The following FAM149A variants were observed in gnomAD, a reference collection of about 807,000 sequenced individuals.
FAM149A encodes the protein protein FAM149A.
Under a neutral mutation model 78.2 loss-of-function variants are expected in FAM149A, and 71 were observed. That is an observed-to-expected ratio of 0.91 (90% confidence interval 0.75 to 1.11). FAM149A has a LOEUF of 1.11. FAM149A is among the 50% of genes least tolerant of loss of function. The probability of loss-of-function intolerance (pLI) is 0.00; values close to 1 mark genes in which losing one functional copy is unlikely to be tolerated. For missense variants in FAM149A, 1,036 were observed against 971.0 expected (o/e 1.07, Z -0.89); for synonymous variants, 446 against 410.5 (o/e 1.09, Z -1.04).
intron 13 of FAM149A, among the ~76,000 whole-genome samples, chr4:186,168,613 C>T (rs1735258299): frequency 6.6e-6 from 1 of 152,202 alleles, no homozygotes; most frequent in Non-Finnish European, 1.5e-5. Flanking sequence ...ATCTTGGCCT[C>T]CCAAAGTGCT....
rs1733879434 is a variant in FAM149A at position 186,154,571 on chromosome 4, C to T, written c.1162C>T (p.Leu388=). The change falls in exon 6 of 14, where the codon CTG becomes TTG. Residue 388 remains leucine (L), a synonymous_variant. Coordinates refer to ENST00000389354, the MANE Select transcript of FAM149A (RefSeq NM_001367768.3). The stretch of plus-strand genomic sequence containing the variant: ...TGCTGACCTAACGGCACGTTCATCC[C>T]TGGAAGAAGAGGTTTACCATGTGGA... 6.2e-7 allele frequency: 1 copy of T among 1,614,122 alleles called. No homozygotes were observed. The highest frequency in any genetic ancestry group is 8.5e-7 in the Non-Finnish European group (1 of 1,180,020).
intron 6 of FAM149A, 114 bp downstream of exon 6, chr4:186,154,752 T>C: frequency 6.9e-7 from 1 of 1,439,198 alleles, no homozygotes; most frequent in South Asian, 1.5e-5. Context: ...ACCCAAAAGA[T>C]TTCTGTTCTT....
intron 1 of FAM149A, chr4:186,110,016 A>G (rs1204663461): frequency 1.0e-6 from 1 of 985,306 alleles, no homozygotes; most frequent in East Asian, 1.1e-4. Context: ...CAAATCATAC[A>G]TTTGTGTAGC....
intron 1 of FAM149A, among the ~76,000 whole-genome samples, chr4:186,138,679 G>T (rs372016116): frequency 6.6e-6 from 1 of 152,170 alleles, no homozygotes; most frequent in Non-Finnish European, 1.5e-5. Flanking sequence ...CTCCGCTGGG[G>T]TTCGCCTTGT....
At position 186,144,155 on chromosome 4, in the gene FAM149A, C is replaced by G. The variant is rs1050386074; in HGVS notation, c.567-5018C>G. Reference sequence around the variant, plus strand: ...TGTAGTTCACCTCCGCGACCTCACCCCTTCTTCCCTTAGCATGTGAAAATG... The same window carrying G: ...TGTAGTTCACCTCCGCGACCTCACCGCTTCTTCCCTTAGCATGTGAAAATG... On this transcript the variant is annotated intron_variant, in intron 1 of 13. Transcript: ENST00000389354. The surrounding 1 kb of genome is among the most constrained non-coding windows in gnomAD (Gnocchi z 4.2). 8 of 152,246 alleles carry G rather than the reference C, an allele frequency of 5.3e-5. No homozygotes were observed. Among genetic ancestry groups the G allele is most frequent in the African/African-American group, 1.9e-4 (8 of 41,456 alleles). The allele number at this position is 152,246 out of a possible 1,614,324, so 9.4% of individuals were successfully genotyped here.
chr4:186,173,139 CAT>C lies in FAM149A; in HGVS notation c.*1157_*1158del, dbSNP rs1415949918. On this transcript the variant is annotated 3_prime_UTR_variant, in exon 14 of 14. Coordinates refer to ENST00000389354, the MANE Select transcript of FAM149A (RefSeq NM_001367768.3). Reference sequence around the variant, plus strand: ...CTTAGATTTATAAACTATATACACACATATATGTATCATATAAATGCATAATA... The same window carrying C: ...CTTAGATTTATAAACTATATACACACATATGTATCATATAAATGCATAATA... 1.8e-5 allele frequency among the ~76,000 whole-genome samples: 2 copies of C among 112,412 alleles called. No individual in the cohort carries two copies. Among genetic ancestry groups the C allele is most frequent in the Admixed American group, 8.7e-5 (1 of 11,520 alleles). 73.7% of individuals were successfully genotyped at this position (112,412 alleles called of 152,430 possible). A position where few individuals can be genotyped will look rare whatever the true frequency, so the allele number is the denominator to read the frequency against.
intron 1 of FAM149A, chr4:186,130,293 C>CTCTCTCTCTCTATATATATA: frequency 2.1e-3 from 98 of 46,560 alleles, no homozygotes; most frequent in Non-Finnish European, 3.0e-3. Flanking sequence ...CTCTCTCTCT[C>CTCTCTCTCTCTATATATATA]TATATATATA....
Position 186,161,068 on chromosome 4 carries a change from T to C in FAM149A, c.1576-1777T>C, listed in dbSNP as rs563584184. ...AGATGCTAATTATATATTAATAGTC[T>C]ATATAATCCTTTGTAATTAGATTTT... On this transcript the variant is annotated intron_variant, in intron 8 of 13. Transcript: ENST00000389354. 5.1e-4 allele frequency among the ~76,000 whole-genome samples: 77 copies of C among 152,362 alleles called. 1 individual carries two copies. The highest frequency in any genetic ancestry group is 1.8e-3 in the African/African-American group (75 of 41,584).
Position 186,154,570 on chromosome 4 carries a change from C to T in FAM149A, c.1161C>T (p.Ser387=). 2 of 1,614,064 alleles carry T rather than the reference C, an allele frequency of 1.2e-6. No individual in the cohort carries two copies. Among genetic ancestry groups the T allele is most frequent in the Non-Finnish European group, 1.7e-6 (2 of 1,180,010 alleles). ...TTGCTGACCTAACGGCACGTTCATC[C>T]CTGGAAGAAGAGGTTTACCATGTGG... The change falls in exon 6 of 14, where the codon TCC becomes TCT. Residue 387 remains serine, a synonymous_variant. Transcript: ENST00000389354.
chr4:186,122,433 T>C (rs1267244324), intron 1 of FAM149A, among the ~76,000 whole-genome samples: 1 of 152,216 alleles, frequency 6.6e-6, no homozygotes, highest in Non-Finnish European at 1.5e-5. Context: ...TGTCATTGAT[T>C]TCCTTAGATA....
At chr4:186,158,243 C>T (rs1483528417) in intron 8 of FAM149A, 23 of 1,253,820 alleles carry the variant, frequency 1.8e-5, no homozygotes, top group East Asian at 1.0e-4. Context: ...GGCAGCCTTC[C>T]GGGAGCCATG....
chr4:186,126,609 C>T (rs2099318425), intron 1 of FAM149A, among the ~76,000 whole-genome samples: 1 of 152,132 alleles, frequency 6.6e-6, no homozygotes, highest in South Asian at 2.1e-4. Flanking sequence ...TCTTTAGACT[C>T]CAGGACTCCA....
chr4:186,148,825 C>T (rs552906114), intron 1 of FAM149A, among the ~76,000 whole-genome samples: 1 of 152,266 alleles, frequency 6.6e-6, no homozygotes, highest in East Asian at 1.9e-4. Flanking sequence ...CAACTGGGAC[C>T]TGAAATCCCT....
intron 7 of FAM149A, among the ~76,000 whole-genome samples, chr4:186,156,799 G>T (rs543953376): frequency 2.6e-5 from 4 of 152,130 alleles, no homozygotes; most frequent in Non-Finnish European, 4.4e-5. Context: ...GTAACACCCT[G>T]TCTTTTCAAA....
chr4:186,118,848 G>A (rs2150088312), intron 1 of FAM149A, among the ~76,000 whole-genome samples: 1 of 152,278 alleles, frequency 6.6e-6, no homozygotes, highest in South Asian at 2.1e-4. Context: ...GGAGGAGGGA[G>A]CTTCCCATTC....
intron 1 of FAM149A, among the ~76,000 whole-genome samples, chr4:186,140,148 C>T (rs1456792665): frequency 6.6e-6 from 1 of 152,220 alleles, no homozygotes; most frequent in Non-Finnish European, 1.5e-5. Context: ...ATTAAGTTAT[C>T]AGCTCAGGAT....
intron 1 of FAM149A, among the ~76,000 whole-genome samples, chr4:186,120,617 C>A (rs1456799333): frequency 6.6e-6 from 1 of 151,244 alleles, no homozygotes; most frequent in Non-Finnish European, 1.5e-5. Context: ...TATGGTGAAA[C>A]CCTGTCTCTA....
At chr4:186,162,810 CTTT>C (rs56973296) in intron 8 of FAM149A, 32 bp from the exon 9 acceptor site, 38,491 of 548,134 alleles carry the variant, frequency 0.07, 204 homozygotes, top group African/African-American at 0.13. Context: ...ATTTGTAATT[CTTT>C]TTTTTTTTTT....
chr4:186,127,443 A>G (rs762295767), intron 1 of FAM149A: 2 of 985,320 alleles, frequency 2.0e-6, no homozygotes, highest in Non-Finnish European at 2.4e-6. Context: ...GAATGCTCAG[A>G]AGAGATGTCA....
Sources: gnomAD v4.1 joint callset for allele counts (sites outside exome capture counted in the v4.1 genomes callset) on GRCh38, gnomAD v4.1.1 for gene constraint, Gnocchi (gnomAD v3.1) non-coding constraint, MANE v1.5 for transcripts, NCBI Gene and HGNC (gene_info 2026-07-23, HGNC 2026-07-21) for gene names.